PASD1: variants seen among roughly 807,000 people sequenced by gnomAD.
PASD1 encodes PAS domain containing repressor 1.
PASD1 carries 13 observed loss-of-function variants against 58.8 expected under a neutral mutation model. The observed-to-expected ratio is 0.22, with a 90% CI of 0.14 to 0.35. The LOEUF (loss-of-function observed/expected upper bound fraction) is 0.35. PASD1 is among the 10% of genes least tolerant of loss of function. The pLI is 1.00. For synonymous variants in PASD1, 236 were observed against 216.7 expected, an observed-to-expected ratio of 1.09 and a Z score of -0.78; for missense variants, 734 against 568.3, an observed-to-expected ratio of 1.29 and a Z score of -2.96.
At chrX:151,649,895 A>G (rs996888658) in intron 9 of PASD1, among the ~76,000 whole-genome samples, 1 of 112,142 alleles carries the variant, frequency 8.9e-6, no homozygotes, top group African/African-American at 3.2e-5. Flanking sequence ...TTCTTCTGTA[A>G]TATGGAGATG....
intron 1 of PASD1, among the ~76,000 whole-genome samples, chrX:151,566,884 T>C (rs1167392149): frequency 9.2e-6 from 1 of 108,334 alleles, no homozygotes; most frequent in African/African-American, 3.4e-5. Context: ...CTGACCAACA[T>C]GGAAAAACCC....
At chrX:151,635,770 G>C (rs190169243) in intron 8 of PASD1, among the ~76,000 whole-genome samples, 321 of 58,828 alleles carry the variant, frequency 5.5e-3, no homozygotes, top group Admixed American at 0.015. Flanking sequence ...GGAGAAGCCC[G>C]TGTAAACCTC....
chrX:151,611,842 A>C (rs1200795330), intron 4 of PASD1, 89 bp downstream of exon 4: 5 of 644,814 alleles, frequency 7.8e-6, no homozygotes, highest in Non-Finnish European at 1.2e-5. Flanking sequence ...TTATACTTTA[A>C]GTTTTAGAGT....
At chrX:151,624,859 G>C (rs1765980799) in intron 7 of PASD1, among the ~76,000 whole-genome samples, 1 of 111,936 alleles carries the variant, frequency 8.9e-6, no homozygotes, top group South Asian at 3.8e-4. Flanking sequence ...GCAGTTTAAG[G>C]AAGTTGCCTA....
chrX:151,656,776 T>C (rs2014247845), intron 9 of PASD1, among the ~76,000 whole-genome samples: 2 of 111,886 alleles, frequency 1.8e-5, no homozygotes, highest in Non-Finnish European at 3.8e-5. Flanking sequence ...GATGGGGTTT[T>C]CTAAATATAC....
At chrX:151,604,930 G>A (rs1366260529) in intron 3 of PASD1, among the ~76,000 whole-genome samples, 196 bp downstream of exon 3, 1 of 111,940 alleles carries the variant, frequency 8.9e-6, no homozygotes. Context: ...AAGCTCCCTG[G>A]ATGCTTCCTA....
intron 1 of PASD1, among the ~76,000 whole-genome samples, chrX:151,595,011 A>G (rs779755323): frequency 8.9e-6 from 1 of 111,739 alleles, no homozygotes; most frequent in East Asian, 2.8e-4. Flanking sequence ...CAGAGAGAAA[A>G]CATTATTTTT....
chrX:151,567,215 G>C (rs909520875), intron 1 of PASD1, among the ~76,000 whole-genome samples: 3 of 111,334 alleles, frequency 2.7e-5, no homozygotes, highest in Admixed American at 9.6e-5. Flanking sequence ...AGGATTTGCT[G>C]GACTGGATTG....
At chrX:151,586,715 A>G (rs1458498817) in intron 1 of PASD1, among the ~76,000 whole-genome samples, 1 of 112,066 alleles carries the variant, frequency 8.9e-6, no homozygotes, top group African/African-American at 3.2e-5. Context: ...GTTAGTGTGC[A>G]TAGACATGGC....
In PASD1 at chrX:151,676,120, CG is replaced by C; in HGVS notation, c.2300del (p.Arg767LeufsTer26). ...EQTRLMPAEQ[R>X]DSNKPC ...GACCAGATTGATGCCTGCAGAGCAA[CG>C]TGACTCAAATAAGCCGTGCTAACAG... On this transcript the variant is annotated frameshift_variant, in exon 16 of 16. Transcript: ENST00000370357. LOFTEE classifies it low-confidence loss of function (END_TRUNC). 1 of 1,207,892 alleles carries C rather than the reference CG, an allele frequency of 8.3e-7. No homozygotes were observed. Among genetic ancestry groups the C allele is most frequent in the Non-Finnish European group, 1.1e-6 (1 of 894,238 alleles).
At chrX:151,671,451 A>G in intron 12 of PASD1, 122 bp from the exon 13 acceptor site, 1 of 892,410 alleles carries the variant, frequency 1.1e-6, no homozygotes. Flanking sequence ...TGTGGCTTAT[A>G]TATAGCCAAG....
At chrX:151,626,190 A>T (rs1482809234) in intron 8 of PASD1, among the ~76,000 whole-genome samples, 1 of 112,225 alleles carries the variant, frequency 8.9e-6, no homozygotes, top group Non-Finnish European at 1.9e-5. Flanking sequence ...TTGAAAAGAA[A>T]GGTAATGTTT....
intron 1 of PASD1, among the ~76,000 whole-genome samples, chrX:151,564,919 A>G (rs1292914488): frequency 9.0e-6 from 1 of 111,548 alleles, no homozygotes; most frequent in Non-Finnish European, 1.9e-5. Flanking sequence ...ACAATAATTT[A>G]TCAGTTACTC....
chrX:151,671,764 T>G lies in PASD1; in HGVS notation c.1422T>G (p.Cys474Trp). Residue 474 changes from cysteine to tryptophan, a missense_variant, in exon 13 of 16, where the codon TGT (cysteine) becomes TGG (tryptophan). By Grantham distance (215) the Cys-to-Trp change is radical. Transcript: ENST00000370357. The part of the protein sequence containing the change: ...LKNTGELQEP[C>W]VAFNQQQLVQ... ...ACACTGGGGAGCTTCAGGAGCCTTG[T>G]GTTGCCTTCAACCAGGTATGGAAAG... 8.3e-7 allele frequency: 1 copy of G among 1,206,587 alleles called. No individual in the cohort carries two copies. Among genetic ancestry groups the G allele is most frequent in the Non-Finnish European group, 1.1e-6 (1 of 890,544 alleles).
At chrX:151,643,508 G>A (rs2014021521) in intron 8 of PASD1, among the ~76,000 whole-genome samples, 1 of 111,422 alleles carries the variant, frequency 9.0e-6, no homozygotes, top group Admixed American at 9.6e-5. Context: ...GAGACAAATG[G>A]AGGCATCACA....
In PASD1 at chrX:151,649,319, G is replaced by C. The variant is rs149041073; in HGVS notation, c.717+617G>C. On this transcript the variant is annotated intron_variant, in intron 9 of 15. Coordinates refer to ENST00000370357, the MANE Select transcript of PASD1 (RefSeq NM_173493.3). ...CCACTCTATGGGTATATGTACCATA[G>C]CTGATAGGCTGGATCACCACAGTGG... Among the ~76,000 whole-genome samples, 1,044 of 111,747 alleles carry C rather than the reference G, an allele frequency of 9.3e-3. 17 individuals carry two copies. The highest frequency in any genetic ancestry group is 0.032 in the African/African-American group (981 of 30,692).
chrX:151,657,158 G>C (rs1484210158), intron 9 of PASD1, among the ~76,000 whole-genome samples: 1 of 111,777 alleles, frequency 8.9e-6, no homozygotes, highest in Non-Finnish European at 1.9e-5. Flanking sequence ...GCTGGATTAC[G>C]TTTATTGATT....
chrX:151,573,364 C>T (rs1171545831), intron 1 of PASD1, among the ~76,000 whole-genome samples: 1 of 112,340 alleles, frequency 8.9e-6, no homozygotes, highest in African/African-American at 3.2e-5. Context: ...CGTTCTGTTC[C>T]TGCATCTCAT....
At chrX:151,631,803 C>T (rs967933301) in intron 8 of PASD1, among the ~76,000 whole-genome samples, 4 of 111,415 alleles carry the variant, frequency 3.6e-5, no homozygotes, top group Non-Finnish European at 7.5e-5. Context: ...TTTGTTGTAC[C>T]GAGTCTTTTT....
Sources: gnomAD v4.1 joint callset for allele counts (sites outside exome capture counted in the v4.1 genomes callset) on GRCh38, gnomAD v4.1.1 for gene constraint, MANE v1.5 for transcripts, NCBI Gene and HGNC (gene_info 2026-07-23, HGNC 2026-07-21) for gene names.